The following TLX1 variants were observed in gnomAD, a reference collection of about 807,000 sequenced individuals.
The protein encoded by TLX1 is T cell leukemia homeobox 1.
Under a neutral mutation model 26.5 loss-of-function variants are expected in TLX1, and 6 were observed. The ratio of observed to expected loss-of-function variants is 0.23; its 90% CI spans 0.12 to 0.45. The LOEUF (loss-of-function observed/expected upper bound fraction) is 0.45. Among genes scored for constraint, TLX1 ranks in the 20% least tolerant of loss-of-function variants. The pLI, the probability that TLX1 is intolerant of heterozygous loss-of-function variation, is 0.99. For missense variants in TLX1, 418 were observed against 482.6 expected (o/e 0.87, Z 1.25); for synonymous variants, 217 against 219.7 (o/e 0.99, Z 0.11).
chr10:101,135,417 A>G (rs1429543702), intron 2 of TLX1: 1 of 154,426 alleles, frequency 6.5e-6, no homozygotes, highest in Admixed American at 6.5e-5. Context: ...CCACGATTCT[A>G]CCACAACATT....
In TLX1 at chr10:101,132,473, T is replaced by G. The variant is rs1439166208; in HGVS notation, c.568+364T>G. On this transcript the variant is annotated intron_variant, in intron 1 of 2. Transcript: ENST00000370196. The surrounding 1 kb of genome is among the most constrained non-coding windows in gnomAD (Gnocchi z 4.1). ...AGAAAGGGGTGCAACGTGAACAGTT[T>G]CTTCCGTCCTGGCTGCTGTTCTAGG... Among the ~76,000 whole-genome samples, 5 of 152,202 alleles carry G rather than the reference T, an allele frequency of 3.3e-5. No individual in the cohort carries two copies. The highest frequency in any genetic ancestry group is 1.5e-5 in the Non-Finnish European group (1 of 68,030).
chr10:101,131,481 C>G lies in TLX1; in HGVS notation c.-61C>G, dbSNP rs1046805140. The G allele has an allele frequency of 3.8e-6, 5 of 1,322,262 alleles. No homozygotes were observed. Among genetic ancestry groups the G allele is most frequent in the Middle Eastern group, 2.7e-4 (1 of 3,676 alleles). The allele number at this position is 1,322,262 out of a possible 1,614,324, so 81.9% of individuals were successfully genotyped here. A position where few individuals can be genotyped will look rare whatever the true frequency, so the allele number is the denominator to read the frequency against. On this transcript the variant is annotated 5_prime_UTR_variant, in exon 1 of 3. Transcript: ENST00000370196. The stretch of plus-strand genomic sequence containing the variant: ...GTTGCCTCCCAGCCCCTGCTAGCTG[C>G]CCCCCGAGCCGAGCGCAGCGAGCGC...
chr10:101,136,449 C>T lies in TLX1; in HGVS notation c.771-242C>T, dbSNP rs115486092. 9.8e-3 allele frequency among the ~76,000 whole-genome samples: 1,487 copies of T among 152,332 alleles called. 27 individuals carry two copies. Among genetic ancestry groups the T allele is most frequent in the African/African-American group, 0.034 (1,411 of 41,582 alleles). ...GCGAGTCCCAGCTGTTTGGGCCTCG[C>T]AGACTTTCCCATCGCTCCTCCTCTG... On this transcript the variant is annotated intron_variant, in intron 2 of 2. Coordinates refer to ENST00000370196, the MANE Select transcript of TLX1 (RefSeq NM_005521.4).
intron 2 of TLX1, among the ~76,000 whole-genome samples, chr10:101,135,163 CCCTCTGG>C (rs1406316345): frequency 0.04 from 682 of 17,248 alleles, 4 homozygotes; most frequent in African/African-American, 0.1. Flanking sequence ...TCCGGCTGCA[CCCTCTGG>C]CACGCTGCAC....
chr10:101,134,453 G>C (rs2134305604), intron 2 of TLX1, 77 bp downstream of exon 2: 1 of 1,394,874 alleles, frequency 7.2e-7, no homozygotes, highest in South Asian at 1.5e-5. Context: ...CCTCTCGTGG[G>C]GCGCACATAC....
chr10:101,136,370 C>T (rs1268482164), intron 2 of TLX1, among the ~76,000 whole-genome samples: 1 of 152,228 alleles, frequency 6.6e-6, no homozygotes, highest in African/African-American at 2.4e-5. Context: ...GAGATGCCAT[C>T]CTACCCCGGC....
At chr10:101,133,234 A>C (rs1457136425) in intron 1 of TLX1, among the ~76,000 whole-genome samples, 1 of 152,248 alleles carries the variant, frequency 6.6e-6, no homozygotes, top group African/African-American at 2.4e-5. Flanking sequence ...CTGGGCCAGG[A>C]GATTCCAAAG....
rs1217164780 is a variant in TLX1 at position 101,132,307 on chromosome 10, C to T, written c.568+198C>T. Among the ~76,000 whole-genome samples, 2 of 152,226 alleles carry T rather than the reference C, an allele frequency of 1.3e-5. No individual in the cohort carries two copies. The highest frequency in any genetic ancestry group is 4.8e-5 in the African/African-American group (2 of 41,454). ...TGAAGAGTTCTCTCAGCCTGGACCC[C>T]TCTCTGTCTCCCGAAGGACCCCTGC... On this transcript the variant is annotated intron_variant, in intron 1 of 2. Coordinates refer to ENST00000370196, the MANE Select transcript of TLX1 (RefSeq NM_005521.4). This position sits in a 1 kb window ranked among gnomAD's most constrained non-coding sequence, Gnocchi z 4.1.
At position 101,132,081 on chromosome 10, in the gene TLX1, C is replaced by A; in HGVS notation, c.540C>A (p.Asn180Lys). The A allele has an allele frequency of 7.0e-7, 1 of 1,437,918 alleles. No individual in the cohort carries two copies. 89.1% of individuals were successfully genotyped at this position (1,437,918 alleles called of 1,614,324 possible). The change falls in exon 1 of 3, where the codon AAC (asparagine) becomes AAA (lysine). Residue 180 changes from asparagine (N) to lysine (K), a missense_variant. By Grantham distance (94) the Asn-to-Lys change is moderately conservative. Around this residue, in one of 3 missense-constraint regions of TLX1, gnomAD observed 322 missense variants for 344.6 expected, o/e 0.93. Transcript: ENST00000370196. The surrounding 1 kb of genome is among the most constrained non-coding windows in gnomAD (Gnocchi z 4.1). ...TCACCTTCCCCTGGATGGAGAGTAA[C>A]CGCAGATACACAAAGGACAGGTTCA... ...TGLTFPWMES[N>K]RRYTKDRFTG...
rs776056294 is a variant in TLX1, at chr10:101,134,197, G to GC, written c.597dup (p.Lys200GlnfsTer95). ...TAGGTCACCCCTATCAGAACCGGAC[G>GC]CCCCCCAAGAAGAAGAAGCCGCGCA... On this transcript the variant is annotated frameshift_variant, in exon 2 of 3. Coordinates refer to ENST00000370196, the MANE Select transcript of TLX1 (RefSeq NM_005521.4). LOFTEE classifies it high-confidence loss of function. The GC allele has an allele frequency of 1.9e-6, 3 of 1,607,826 alleles. No individual in the cohort carries two copies. The highest frequency in any genetic ancestry group is 8.5e-7 in the Non-Finnish European group (1 of 1,177,532).
At chr10:101,135,091 C>G (rs557075739) in intron 2 of TLX1, among the ~76,000 whole-genome samples, 1 of 152,364 alleles carries the variant, frequency 6.6e-6, no homozygotes, top group South Asian at 2.1e-4. Flanking sequence ...TTTACGCTCA[C>G]GGACGTGAAG....
intron 1 of TLX1, among the ~76,000 whole-genome samples, chr10:101,133,788 G>A (rs1940229232): frequency 6.6e-6 from 1 of 152,154 alleles, no homozygotes; most frequent in African/African-American, 2.4e-5. Flanking sequence ...CCAGAGTCAG[G>A]CTCGGCCTCT....
Position 101,134,247 on chromosome 10 carries a change from G to C in TLX1, c.641G>C (p.Cys214Ser), listed in dbSNP as rs1276932739. ...ACGTCCTTCACACGCCTGCAGATCT[G>C]CGAGCTGGAGAAGCGCTTCCACCGC... ...PRTSFTRLQI[C>S]ELEKRFHRQK... The change falls in exon 2 of 3, where the codon TGC (cysteine) becomes TCC (serine). Residue 214 changes from cysteine to serine, a missense_variant. Transcript: ENST00000370196. The C allele has an allele frequency of 1.2e-6, 2 of 1,611,660 alleles. No homozygotes were observed. The highest frequency in any genetic ancestry group is 1.7e-6 in the Non-Finnish European group (2 of 1,179,202).
rs942783404 is a variant in TLX1, at chr10:101,131,901, C to G, written c.360C>G (p.Ser120Arg). The change falls in exon 1 of 3, where the codon AGC becomes AGG. Residue 120 changes from serine (S) to arginine (R), a missense_variant. Around this residue, in one of 3 missense-constraint regions of TLX1, gnomAD observed 322 missense variants for 344.6 expected, o/e 0.93. Coordinates refer to ENST00000370196, the MANE Select transcript of TLX1 (RefSeq NM_005521.4). ...GTCCTGGCGGCGGCGGCGGCAGCAGCGGCGGTGCCGGGGCACTCAGCGCTG... is the reference window on the plus strand; with the variant it reads ...GTCCTGGCGGCGGCGGCGGCAGCAGGGGCGGTGCCGGGGCACTCAGCGCTG... ...GPGPGGGGGSSGGAGALSAAG... is the reference protein window; with the variant it reads ...GPGPGGGGGSRGGAGALSAAG... 1.4e-6 allele frequency: 2 copies of G among 1,392,564 alleles called. No homozygotes were observed. Among genetic ancestry groups the G allele is most frequent in the Non-Finnish European group, 1.8e-6 (2 of 1,082,118 alleles). The allele number at this position is 1,392,564 out of a possible 1,614,324, so 86.3% of individuals were successfully genotyped here.
At position 101,131,647 on chromosome 10, in the gene TLX1, C is replaced by T; in HGVS notation, c.106C>T (p.Pro36Ser). The T allele has an allele frequency of 1.3e-6, 2 of 1,568,232 alleles. No homozygotes were observed. The highest frequency in any genetic ancestry group is 1.7e-6 in the Non-Finnish European group (2 of 1,160,906). Residue 36 changes from proline to serine, a missense_variant, in exon 1 of 3, where the codon CCC (proline) becomes TCC (serine). Coordinates refer to ENST00000370196, the MANE Select transcript of TLX1 (RefSeq NM_005521.4). ...CCCGGACCAGGGTGGCTGCATGGGA[C>T]CCGCCTCGCGCCTCCAGGACGGAGA... Reference protein sequence around the residue: ...NSPDQGGCMGPASRLQDGEYG... With the variant: ...NSPDQGGCMGSASRLQDGEYG...
intron 2 of TLX1, 57 bp from the exon 3 acceptor site, chr10:101,136,634 G>A (rs1177651637): frequency 1.2e-6 from 2 of 1,611,894 alleles, no homozygotes; most frequent in East Asian, 2.2e-5. Flanking sequence ...CAGGAGTTGG[G>A]CACACGCGGG....
intron 2 of TLX1, among the ~76,000 whole-genome samples, chr10:101,136,403 G>T (rs545399471): frequency 6.6e-6 from 1 of 152,242 alleles, no homozygotes; most frequent in Non-Finnish European, 1.5e-5. Context: ...GGCCTCCGGG[G>T]TGTGGGCGCT....
Position 101,136,839 on chromosome 10 carries a change from C to A in TLX1, c.919C>A (p.Gln307Lys), listed in dbSNP as rs1940305757. 1.9e-6 allele frequency: 3 copies of A among 1,613,760 alleles called. No individual in the cohort carries two copies. Among genetic ancestry groups the A allele is most frequent in the Non-Finnish European group, 2.5e-6 (3 of 1,180,034 alleles). The change falls in exon 3 of 3, where the codon CAG becomes AAG. Residue 307 changes from glutamine to lysine, a missense_variant. By Grantham distance (53) the Gln-to-Lys change is moderately conservative. This residue lies in a region of TLX1 where 78 missense variants were observed against 92.2 expected (regional missense o/e 0.85). Coordinates refer to ENST00000370196, the MANE Select transcript of TLX1 (RefSeq NM_005521.4). ...CVHNSSLFAL[Q>K]NLQPWSDDST... ...GCACAACTCGTCGCTCTTCGCCCTG[C>A]AGAATCTGCAGCCGTGGTCTGACGA... is the stretch of plus-strand genomic sequence containing the variant.
rs775067184 is a variant in TLX1 at position 101,133,970 on chromosome 10, G to C, written c.569-205G>C. On this transcript the variant is annotated intron_variant, in intron 1 of 2. Transcript: ENST00000370196. ...ACGGCGGCGTCGGACTGGCGGGCAG[G>C]AGGAGGCCGTTTCCCGCCGTGGGCT... Among the ~76,000 whole-genome samples the C allele has an allele frequency of 3.1e-3, 471 of 152,278 alleles. 2 individuals are homozygous for C. The highest frequency in any genetic ancestry group is 4.2e-3 in the Non-Finnish European group (287 of 68,006).
Sources: gnomAD v4.1 joint callset for allele counts (sites outside exome capture counted in the v4.1 genomes callset) on GRCh38, gnomAD v4.1.1 for gene constraint, gnomAD v4.1.1 regional missense constraint, Gnocchi (gnomAD v3.1) non-coding constraint, MANE v1.5 for transcripts, NCBI Gene and HGNC (gene_info 2026-07-23, HGNC 2026-07-21) for gene names.